The following KCNH1 variants were observed in gnomAD, a reference collection of about 807,000 sequenced individuals.
The protein encoded by KCNH1 is voltage-gated delayed rectifier potassium channel KCNH1.
Under a neutral mutation model 69.2 loss-of-function variants are expected in KCNH1, and 27 were observed. The ratio of observed to expected loss-of-function variants is 0.39; its 90% CI spans 0.29 to 0.54. The LOEUF is 0.54. Among genes scored for constraint, KCNH1 ranks in the 20% least tolerant of loss-of-function variants. The pLI is 0.68. For missense variants in KCNH1, 798 were observed against 1,261.6 expected (o/e 0.63, Z 5.57); for synonymous variants, 456 against 487.7 (o/e 0.93, Z 0.86).
At chr1:211,077,919 C>T (rs1024359067) in intron 5 of KCNH1, among the ~76,000 whole-genome samples, 2 of 150,522 alleles carry the variant, frequency 1.3e-5, no homozygotes, top group Admixed American at 6.6e-5. Context: ...GGAAGATCTA[C>T]TAAGCAAATG....
At chr1:210,814,829 C>T (rs1269434971) in intron 7 of KCNH1, among the ~76,000 whole-genome samples, 3 of 152,154 alleles carry the variant, frequency 2.0e-5, no homozygotes, top group Non-Finnish European at 2.9e-5. Flanking sequence ...CAGCTCTTGG[C>T]TTTGAATGAT....
At chr1:210,749,520 C>T (rs115694183) in intron 10 of KCNH1, among the ~76,000 whole-genome samples, 45 of 152,194 alleles carry the variant, frequency 3.0e-4, no homozygotes, top group African/African-American at 9.6e-4. Flanking sequence ...ATCACCTGGG[C>T]GCTTATTAGA....
intron 1 of KCNH1, among the ~76,000 whole-genome samples, chr1:211,131,211 C>G (rs982780131): frequency 1.3e-5 from 2 of 152,014 alleles, no homozygotes; most frequent in Non-Finnish European, 2.9e-5. Context: ...CTTCCCACAG[C>G]TCTATGATAT....
intron 7 of KCNH1, among the ~76,000 whole-genome samples, chr1:210,892,310 C>T (rs1184026178): frequency 6.6e-6 from 1 of 151,632 alleles, no homozygotes; most frequent in Non-Finnish European, 1.5e-5. Flanking sequence ...ATTGCTTTTG[C>T]CTATCAGTAC....
intron 7 of KCNH1, among the ~76,000 whole-genome samples, chr1:210,875,397 G>T (rs1686348358): frequency 6.6e-6 from 1 of 152,152 alleles, no homozygotes; most frequent in Admixed American, 6.6e-5. Context: ...TCTAAGTGTA[G>T]GTTATATATT....
intron 3 of KCNH1, among the ~76,000 whole-genome samples, chr1:211,100,153 CT>C (rs1474402898): frequency 6.6e-6 from 1 of 152,064 alleles, no homozygotes; most frequent in African/African-American, 2.4e-5. Context: ...GAGCCACTAC[CT>C]CTGGGCTTAG....
chr1:211,007,972 G>T (rs1444306883), intron 6 of KCNH1, among the ~76,000 whole-genome samples: 1 of 152,146 alleles, frequency 6.6e-6, no homozygotes. Context: ...TGGTAAAGCT[G>T]CTATGCAAAA....
chr1:211,013,658 A>G (rs1346346462), intron 6 of KCNH1, among the ~76,000 whole-genome samples: 3 of 152,244 alleles, frequency 2.0e-5, no homozygotes, highest in Non-Finnish European at 2.9e-5. Context: ...CAAAAGGACA[A>G]ACTGTCCCTT....
At chr1:210,937,480 G>A (rs1329448553) in intron 6 of KCNH1, among the ~76,000 whole-genome samples, 1 of 152,196 alleles carries the variant, frequency 6.6e-6, no homozygotes, top group African/African-American at 2.4e-5. Flanking sequence ...TAACTGAATA[G>A]TACCTAATGG....
chr1:211,081,184 A>G (rs1039573869), intron 5 of KCNH1, among the ~76,000 whole-genome samples: 1 of 152,366 alleles, frequency 6.6e-6, no homozygotes, highest in Non-Finnish European at 1.5e-5. Context: ...TCTCAAACGA[A>G]GACATTTATG....
intron 10 of KCNH1, among the ~76,000 whole-genome samples, chr1:210,712,848 A>G (rs1558434960): frequency 6.6e-6 from 1 of 152,128 alleles, no homozygotes; most frequent in African/African-American, 2.4e-5. Flanking sequence ...ATTTTAGTCT[A>G]TCAGCTCCAG....
intron 7 of KCNH1, among the ~76,000 whole-genome samples, chr1:210,818,844 AG>A (rs1219950746): frequency 1.3e-5 from 2 of 152,156 alleles, no homozygotes; most frequent in Non-Finnish European, 2.9e-5. Context: ...TCACCAGAAA[AG>A]CTTTCTAAAA....
chr1:210,815,222 T>C (rs905903236), intron 7 of KCNH1, among the ~76,000 whole-genome samples: 2 of 152,224 alleles, frequency 1.3e-5, no homozygotes, highest in Non-Finnish European at 2.9e-5. Flanking sequence ...AACACTGGTT[T>C]ATGCTATACC....
chr1:211,018,983 C>G lies in KCNH1; in HGVS notation c.832G>C (p.Gly278Arg), dbSNP rs745813404. ...NFHTTFVGPA[G>R]EVISDPKLIR... is the part of the protein sequence containing the mutation. Reference sequence around the variant, plus strand: ...AGTTTGGGGTCAGAAATCACCTCCCCTGCTGGTCCAACAAAGGTGGTATGA... The same window carrying G: ...AGTTTGGGGTCAGAAATCACCTCCCGTGCTGGTCCAACAAAGGTGGTATGA... Residue 278 changes from glycine (G) to arginine (R), a missense_variant, in exon 6 of 11, where the codon GGG becomes CGG. Physicochemically the swap from Gly to Arg is moderately radical, Grantham distance 125 (BLOSUM62 -2). Transcript: ENST00000271751. 2.5e-5 allele frequency: 41 copies of G among 1,613,988 alleles called. No homozygotes were observed. The highest frequency in any genetic ancestry group is 3.5e-5 in the Non-Finnish European group (41 of 1,180,008).
At chr1:210,862,350 C>T (rs1001640179) in intron 7 of KCNH1, 3 of 680,128 alleles carry the variant, frequency 4.4e-6, no homozygotes, top group African/African-American at 1.8e-5. Flanking sequence ...CTACTCACTG[C>T]ACACATGGAC....
intron 1 of KCNH1, among the ~76,000 whole-genome samples, chr1:211,114,865 C>A (rs1028473763): frequency 2.6e-5 from 4 of 152,164 alleles, no homozygotes; most frequent in African/African-American, 7.2e-5. Flanking sequence ...AATATATAAT[C>A]TCCTACATAA....
At chr1:210,861,432 A>C in intron 7 of KCNH1, 1 of 776,668 alleles carries the variant, frequency 1.3e-6, no homozygotes. Context: ...TTATACTCCT[A>C]GGAAACACTG....
chr1:210,957,995 T>A (rs1282338651), intron 6 of KCNH1, among the ~76,000 whole-genome samples: 1 of 152,204 alleles, frequency 6.6e-6, no homozygotes, highest in Non-Finnish European at 1.5e-5. Context: ...ATTGATGCAG[T>A]TTCTTCATAG....
intron 9 of KCNH1, among the ~76,000 whole-genome samples, chr1:210,782,454 A>G (rs1174449657): frequency 1.3e-5 from 2 of 152,206 alleles, no homozygotes; most frequent in Non-Finnish European, 2.9e-5. Flanking sequence ...GGCCGGGCAC[A>G]GTAGCTCACA....
Sources: allele counts gnomAD v4.1 joint callset (sites outside exome capture counted in the v4.1 genomes callset), GRCh38; gene constraint gnomAD v4.1.1; transcripts MANE v1.5; gene names NCBI Gene and HGNC (gene_info 2026-07-23, HGNC 2026-07-21).